Variants in FAM184A observed in about 807,000 individuals in gnomAD.
The protein encoded by FAM184A is protein FAM184A.
A neutral mutation model predicts 143.8 loss-of-function variants in FAM184A; 99 were observed. That is an observed-to-expected ratio of 0.69 (90% CI 0.58 to 0.81). The LOEUF is 0.81. FAM184A is among the 40% of genes least tolerant of loss of function. FAM184A has a pLI of 0.00. For missense variants in FAM184A, 1,217 were observed against 1,310.5 expected (o/e 0.93, Z 1.10); for synonymous variants, 427 against 446.4 (o/e 0.96, Z 0.55).
intron 8 of FAM184A, 21 bp downstream of exon 8, chr6:119,003,480 A>G: frequency 6.2e-7 from 1 of 1,608,426 alleles, no homozygotes; most frequent in Non-Finnish European, 8.5e-7. Flanking sequence ...TATTGATAAG[A>G]TTACAGAATA....
At chr6:119,142,764 C>T (rs1392627326) in intron 1 of FAM184A, among the ~76,000 whole-genome samples, 1 of 152,182 alleles carries the variant, frequency 6.6e-6, no homozygotes, top group African/African-American at 2.4e-5. Context: ...AAGTCCTAAC[C>T]TCAGCAGCTG....
At chr6:118,995,217 G>A (rs1224028339) in intron 9 of FAM184A, among the ~76,000 whole-genome samples, 2 of 152,068 alleles carry the variant, frequency 1.3e-5, no homozygotes, top group Non-Finnish European at 2.9e-5. Flanking sequence ...AGGAGTTCGA[G>A]ACCAGCCTGG....
chr6:119,077,034 A>G (rs574183030), intron 1 of FAM184A, among the ~76,000 whole-genome samples: 1 of 152,270 alleles, frequency 6.6e-6, no homozygotes, highest in South Asian at 2.1e-4. Flanking sequence ...TAGTCCTTTT[A>G]TGTTATCTTT....
chr6:119,003,131 C>T (rs935665770), intron 8 of FAM184A, 82 bp from the exon 9 acceptor site: 46 of 1,241,092 alleles, frequency 3.7e-5, no homozygotes, highest in Admixed American at 1.1e-4. Flanking sequence ...GTTTTTTAAG[C>T]GCTTAATTAA....
intron 15 of FAM184A, among the ~76,000 whole-genome samples, chr6:118,965,554 T>G (rs1249601605): frequency 6.6e-6 from 1 of 152,196 alleles, no homozygotes; most frequent in African/African-American, 2.4e-5. Context: ...TGTGGGAGAA[T>G]GCAGGGCTGT....
At chr6:118,964,834 T>G in intron 15 of FAM184A, 63 bp from the exon 16 acceptor site, 1 of 821,752 alleles carries the variant, frequency 1.2e-6, no homozygotes, top group Middle Eastern at 3.5e-4. Context: ...AAAACATAAA[T>G]GTATAAACGC....
At chr6:119,130,913 G>A (rs1243457309) in intron 1 of FAM184A, among the ~76,000 whole-genome samples, 1 of 149,700 alleles carries the variant, frequency 6.7e-6, no homozygotes, top group African/African-American at 2.5e-5. Context: ...CTAGAGTGCA[G>A]TGGTGTGATC....
At chr6:119,139,296 A>G (rs112261856) in intron 1 of FAM184A, among the ~76,000 whole-genome samples, 1 of 152,186 alleles carries the variant, frequency 6.6e-6, no homozygotes, top group Non-Finnish European at 1.5e-5. Flanking sequence ...CTTGCTCTTT[A>G]TTAGAAAGTC....
chr6:118,985,494 T>C (rs141542756), intron 9 of FAM184A, among the ~76,000 whole-genome samples: 123 of 152,316 alleles, frequency 8.1e-4, no homozygotes, highest in African/African-American at 2.9e-3. Context: ...TTTTTGTAGT[T>C]TTTTCCTTCC....
intron 1 of FAM184A, among the ~76,000 whole-genome samples, chr6:119,136,976 C>A (rs1007414981): frequency 1.3e-5 from 2 of 152,196 alleles, no homozygotes; most frequent in East Asian, 3.8e-4. Context: ...GCTACTATAA[C>A]CTCTTTAGCA....
intron 17 of FAM184A, chr6:118,960,702 G>A: frequency 1.3e-6 from 1 of 784,358 alleles, no homozygotes. Flanking sequence ...ATGTTATATA[G>A]TTTATACTTT....
At chr6:119,002,082 G>T (rs1784777271) in intron 9 of FAM184A, among the ~76,000 whole-genome samples, 1 of 152,102 alleles carries the variant, frequency 6.6e-6, no homozygotes. Flanking sequence ...ATTCTTGAAA[G>T]ACACTGCATG....
At chr6:119,119,262 C>G (rs573380033) in intron 1 of FAM184A, among the ~76,000 whole-genome samples, 9 of 152,232 alleles carry the variant, frequency 5.9e-5, no homozygotes, top group Non-Finnish European at 1.2e-4. Context: ...CTCCATTTGC[C>G]TTGTGATAGT....
At chr6:119,129,241 C>CT (rs1433141872) in intron 1 of FAM184A, among the ~76,000 whole-genome samples, 1 of 152,216 alleles carries the variant, frequency 6.6e-6, no homozygotes, top group African/African-American at 2.4e-5. Flanking sequence ...AACCCAACCA[C>CT]TTTGAGCACA....
At chr6:118,990,008 T>C (rs1396537264) in intron 9 of FAM184A, among the ~76,000 whole-genome samples, 1 of 152,034 alleles carries the variant, frequency 6.6e-6, no homozygotes, top group African/African-American at 2.4e-5. Flanking sequence ...TTTGTATTTT[T>C]AGTAGAGACG....
intron 1 of FAM184A, among the ~76,000 whole-genome samples, chr6:119,118,812 GA>G (rs888979130): frequency 1.9e-4 from 29 of 149,918 alleles, no homozygotes; most frequent in African/African-American, 5.4e-4. Flanking sequence ...TGGGCACCTT[GA>G]AAAAAAAACA....
At chr6:119,060,284 T>C (rs918230552) in intron 1 of FAM184A, among the ~76,000 whole-genome samples, 16 of 152,322 alleles carry the variant, frequency 1.1e-4, no homozygotes, top group African/African-American at 3.8e-4. Context: ...GATACTGTTT[T>C]CTTGCTGGCA....
chr6:118,977,369 G>A (rs937296334), intron 11 of FAM184A, among the ~76,000 whole-genome samples: 1 of 152,120 alleles, frequency 6.6e-6, no homozygotes, highest in South Asian at 2.1e-4. Context: ...ATCACTTGAG[G>A]CCTGGAGTTT....
At chr6:119,102,151 A>G (rs1472743812) in intron 1 of FAM184A, among the ~76,000 whole-genome samples, 2 of 152,190 alleles carry the variant, frequency 1.3e-5, no homozygotes, top group Admixed American at 6.5e-5. Context: ...ATGGAAAAGG[A>G]GTAGTTAGGG....
Sources: gnomAD v4.1 joint callset for allele counts (sites outside exome capture counted in the v4.1 genomes callset) on GRCh38, gnomAD v4.1.1 for gene constraint, MANE v1.5 for transcripts, NCBI Gene and HGNC (gene_info 2026-07-23, HGNC 2026-07-21) for gene names.